The following SPTBN1 variants were observed in gnomAD, a reference collection of about 807,000 sequenced individuals.
SPTBN1 encodes spectrin beta chain, non-erythrocytic 1.
SPTBN1 carries 32 observed loss-of-function variants against 266.4 expected under a neutral mutation model. The observed-to-expected ratio is 0.12, with a 90% CI of 0.09 to 0.16. The LOEUF (loss-of-function observed/expected upper bound fraction) is 0.16. Among genes scored for constraint, SPTBN1 ranks in the 10% least tolerant of loss-of-function variants. The pLI is 1.00. For synonymous variants in SPTBN1, 1,336 were observed against 1,162.2 expected, an observed-to-expected ratio of 1.15 and a Z score of -3.04; for missense variants, 2,296 against 3,067.1, an observed-to-expected ratio of 0.75 and a Z score of 5.94.
chr2:54,474,848 C>T (rs1427748046), intron 1 of SPTBN1, among the ~76,000 whole-genome samples: 1 of 152,016 alleles, frequency 6.6e-6, no homozygotes, highest in African/African-American at 2.4e-5. Flanking sequence ...TATGTTACTT[C>T]TATAATTTGA....
intron 1 of SPTBN1, chr2:54,520,253 A>G (rs765350692): frequency 1.3e-5 from 2 of 152,330 alleles, no homozygotes; most frequent in Non-Finnish European, 2.9e-5. Flanking sequence ...CAGGTAAAGT[A>G]TTTTCCCTCT....
rs1328852371 is a variant in SPTBN1, at chr2:54,617,600, CT to C, written c.567-6del. The C allele has an allele frequency of 3.1e-6, 5 of 1,613,908 alleles. No homozygotes were observed. The Admixed American group carries it at 6.7e-5, about 22-fold the overall frequency. On this transcript the variant is annotated splice_region_variant and splice_polypyrimidine_tract_variant and intron_variant, in intron 5 of 35. Coordinates refer to ENST00000356805, the MANE Select transcript of SPTBN1 (RefSeq NM_003128.3). Reference sequence around the variant, plus strand: ...TGTTGCTTTTCCCTTCTGCTTTGTCCTTGGCAGGTACCCCAATGTCAACATT... The same window carrying C: ...TGTTGCTTTTCCCTTCTGCTTTGTCCTGGCAGGTACCCCAATGTCAACATT...
chr2:54,558,360 A>G lies in SPTBN1; in HGVS notation c.148+31794A>G. The G allele has an allele frequency of 1.0e-6, 1 of 998,528 alleles. No homozygotes were observed. The highest frequency in any genetic ancestry group is 1.2e-6 in the Non-Finnish European group (1 of 838,508). The allele number at this position is 998,528 out of a possible 1,614,324, so 61.9% of individuals were successfully genotyped here. A position where few individuals can be genotyped will look rare whatever the true frequency, so the allele number is the denominator to read the frequency against. On this transcript the variant is annotated intron_variant, in intron 2 of 35. Transcript: ENST00000356805. This position sits in a 1 kb window ranked among gnomAD's most constrained non-coding sequence, Gnocchi z 4.6. ...ACGGCGAGTGGCTCCTGATAAAATT[A>G]CAAACCGGCGGCCGCCGCGGGCAGC...
At chr2:54,501,279 T>G (rs1669254529) in intron 1 of SPTBN1, among the ~76,000 whole-genome samples, 1 of 152,174 alleles carries the variant, frequency 6.6e-6, no homozygotes, top group African/African-American at 2.4e-5. Flanking sequence ...CCTCTGGGGC[T>G]TTTTGGCTCT....
intron 12 of SPTBN1, among the ~76,000 whole-genome samples, chr2:54,627,847 G>A (rs1458878669): frequency 7.5e-6 from 1 of 133,386 alleles, no homozygotes; most frequent in Admixed American, 8.5e-5. Flanking sequence ...ACTTTTTAGT[G>A]TAGATTTGAC....
chr2:54,481,346 C>G (rs1179869557), intron 1 of SPTBN1, among the ~76,000 whole-genome samples: 1 of 150,572 alleles, frequency 6.6e-6, no homozygotes, highest in Non-Finnish European at 1.5e-5. Flanking sequence ...GCATGGCATG[C>G]CTTTGGGAAA....
At chr2:54,490,225 C>G (rs887550984) in intron 1 of SPTBN1, among the ~76,000 whole-genome samples, 2 of 152,058 alleles carry the variant, frequency 1.3e-5, no homozygotes, top group African/African-American at 4.8e-5. Flanking sequence ...CTGCGTGCCA[C>G]CATGCCCTGC....
intron 1 of SPTBN1, among the ~76,000 whole-genome samples, chr2:54,461,849 T>G (rs1374074576): frequency 6.6e-6 from 1 of 152,130 alleles, no homozygotes; most frequent in African/African-American, 2.4e-5. Context: ...TCAGCTTGTG[T>G]TTTTTTTCTT....
chr2:54,487,225 T>A (rs17415725), intron 1 of SPTBN1, among the ~76,000 whole-genome samples: 17,875 of 148,204 alleles, frequency 0.12, 1,347 homozygotes, highest in Non-Finnish European at 0.17. Context: ...TCAGCACAAT[T>A]TTTCCCTTTG....
At chr2:54,643,979 TAAC>T (rs1227794058) in intron 19 of SPTBN1, among the ~76,000 whole-genome samples, 2 of 21,326 alleles carry the variant, frequency 9.4e-5, no homozygotes, top group Admixed American at 8.0e-4. Context: ...CTCAATATAA[TAAC>T]AATAATAATA....
intron 24 of SPTBN1, 101 bp from the exon 25 acceptor site, chr2:54,648,885 T>C (rs1270885319): frequency 1.9e-6 from 2 of 1,075,456 alleles, no homozygotes; most frequent in South Asian, 3.6e-5. Flanking sequence ...AGAAATATGA[T>C]GTAATATGCT....
intron 1 of SPTBN1, chr2:54,515,882 A>G (rs1007415475): frequency 1.3e-5 from 2 of 152,074 alleles, no homozygotes; most frequent in Admixed American, 6.5e-5. Context: ...CCATAGATAC[A>G]TTATATATCT....
intron 3 of SPTBN1, among the ~76,000 whole-genome samples, chr2:54,604,374 TC>T (rs1676697473): frequency 6.6e-6 from 1 of 152,146 alleles, no homozygotes; most frequent in African/African-American, 2.4e-5. Flanking sequence ...TTCTTTCTTT[TC>T]CTCTCCATCT....
chr2:54,627,288 T>G (rs17344169), intron 12 of SPTBN1, among the ~76,000 whole-genome samples: 6,136 of 152,306 alleles, frequency 0.04, 159 homozygotes, highest in Admixed American at 0.087. Context: ...ACTTTTCATT[T>G]TATAAATCAT....
rs1165155785 is a variant in SPTBN1, at chr2:54,649,829, A to G, written c.5417A>G (p.Glu1806Gly). 1 of 1,614,158 alleles carries G rather than the reference A, an allele frequency of 6.2e-7. No individual in the cohort carries two copies. Among genetic ancestry groups the G allele is most frequent in the Non-Finnish European group, 8.5e-7 (1 of 1,180,014 alleles). ...ACACAGATTCTTGCCGCTTCCTATG[A>G]ACTGCACAAGTTTTACCACGATGCC... ...TRTQILAASY[E>G]LHKFYHDAKE... Residue 1806 changes from glutamate to glycine, a missense_variant, in exon 26 of 36, where the codon GAA becomes GGA. Glu to Gly is a moderately conservative substitution (Grantham distance 98). Transcript: ENST00000356805. This position sits in a 1 kb window ranked among gnomAD's most constrained non-coding sequence, Gnocchi z 6.7.
intron 2 of SPTBN1, among the ~76,000 whole-genome samples, chr2:54,569,746 T>C (rs73934453): frequency 1.3e-5 from 2 of 152,136 alleles, no homozygotes; most frequent in Admixed American, 6.6e-5. Flanking sequence ...TTAGGTGAGA[T>C]TCTGTGTGGA....
rs1209132160 is a variant in SPTBN1, at chr2:54,576,074, A to ATTTTTTTTTTTTTTTTTTTTTTTTTT, written c.149-23018_149-23017insTTTTTTTTTTTTTTTTTTTTTTTTTT. ...ATCCAGCTTTTTTTTTTTTTTTTTG[A>ATTTTTTTTTTTTTTTTTTTTTTTTTT]GAGACAGTCTGGCTGTGTCTCCCAG... On this transcript the variant is annotated intron_variant, in intron 2 of 35. Coordinates refer to ENST00000356805, the MANE Select transcript of SPTBN1 (RefSeq NM_003128.3). Among the ~76,000 whole-genome samples the ATTTTTTTTTTTTTTTTTTTTTTTTTT allele has an allele frequency of 9.8e-4, 92 of 93,852 alleles. 17 individuals are homozygous for ATTTTTTTTTTTTTTTTTTTTTTTTTT. The highest frequency in any genetic ancestry group is 2.0e-3 in the Admixed American group (14 of 7,172). 61.6% of individuals were successfully genotyped at this position (93,852 alleles called of 152,430 possible). A position where few individuals can be genotyped will look rare whatever the true frequency, so the allele number is the denominator to read the frequency against.
rs745390533 is a variant in SPTBN1 at position 54,617,668 on chromosome 2, T to C, written c.627T>C (p.Asn209=). Residue 209 remains asparagine (N), a synonymous_variant, in exon 6 of 36, where the codon AAT becomes AAC. Coordinates refer to ENST00000356805, the MANE Select transcript of SPTBN1 (RefSeq NM_003128.3). Reference sequence around the variant, plus strand: ...GCTGGAGGGACGGCATGGCCTTCAATGCACTGATACACAAACACCGGTAAG... The same window carrying C: ...GCTGGAGGGACGGCATGGCCTTCAACGCACTGATACACAAACACCGGTAAG... ...TTSWRDGMAF[N]ALIHKHRPDL... 8 of 1,614,158 alleles carry C rather than the reference T, an allele frequency of 5.0e-6. No individual in the cohort carries two copies. Among genetic ancestry groups the C allele is most frequent in the South Asian group, 3.3e-5 (3 of 91,088 alleles).
chr2:54,543,938 A>T (rs953126394), intron 2 of SPTBN1, among the ~76,000 whole-genome samples: 1 of 152,098 alleles, frequency 6.6e-6, no homozygotes, highest in Non-Finnish European at 1.5e-5. Flanking sequence ...CATGGGGGTT[A>T]TTTAGCTTTA....
Sources: gnomAD v4.1 joint callset for allele counts (sites outside exome capture counted in the v4.1 genomes callset) on GRCh38, gnomAD v4.1.1 for gene constraint, Gnocchi (gnomAD v3.1) non-coding constraint, MANE v1.5 for transcripts, NCBI Gene and HGNC (gene_info 2026-07-23, HGNC 2026-07-21) for gene names.